ALKBH3: variants seen among roughly 807,000 people sequenced by gnomAD.
ALKBH3 encodes the protein alkB homolog 3, alpha-ketoglutarate dependent dioxygenase.
A neutral mutation model predicts 43.9 loss-of-function variants in ALKBH3; 51 were observed. The observed-to-expected ratio is 1.16, with a 90% CI of 0.93 to 1.47. ALKBH3 has a LOEUF of 1.47. ALKBH3 is among the 40% of genes most tolerant of loss of function. The pLI is 0.00. For missense variants in ALKBH3, 361 were observed against 351.9 expected, an observed-to-expected ratio of 1.03 and a Z score of -0.21; for synonymous variants, 102 against 115.2, an observed-to-expected ratio of 0.89 and a Z score of 0.73.
At chr11:43,909,871 A>T (rs569407569) in intron 8 of ALKBH3, 14 of 152,164 alleles carry the variant, frequency 9.2e-5, no homozygotes, top group Non-Finnish European at 1.5e-4. Context: ...CTGCATCTGA[A>T]GTCTCCCCTT....
In ALKBH3 at chr11:43,919,930, A is replaced by G. The variant is rs1396120106; in HGVS notation, c.781A>G (p.Lys261Glu). ...TQADWQHRVPKEYHSREPRVN... is the reference protein window; with the variant it reads ...TQADWQHRVPEEYHSREPRVN... ...TATTTCCATTTAGCATCGAGTGCCC[A>G]AAGAATACCACTCTAGAGAACCGAG... The change falls in exon 10 of 10, where the codon AAA (lysine) becomes GAA (glutamate). Residue 261 changes from lysine to glutamate, a missense_variant. Coordinates refer to ENST00000302708, the MANE Select transcript of ALKBH3 (RefSeq NM_139178.4). The G allele has an allele frequency of 6.2e-7, 1 of 1,614,126 alleles. No individual in the cohort carries two copies. Among genetic ancestry groups the G allele is most frequent in the Non-Finnish European group, 8.5e-7 (1 of 1,179,940 alleles).
intron 9 of ALKBH3, 49 bp downstream of exon 9, chr11:43,919,185 C>T (rs1452082151): frequency 6.7e-7 from 1 of 1,488,454 alleles, no homozygotes; most frequent in Non-Finnish European, 9.4e-7. Flanking sequence ...GAGGCAGTTT[C>T]CTGACTCTGA....
At chr11:43,910,804 T>C (rs1951932612) in intron 8 of ALKBH3, among the ~76,000 whole-genome samples, 1 of 152,122 alleles carries the variant, frequency 6.6e-6, no homozygotes, top group Non-Finnish European at 1.5e-5. Context: ...TTCACCCTGA[T>C]GTCCTTAATT....
intron 5 of ALKBH3, among the ~76,000 whole-genome samples, chr11:43,887,440 T>C (rs1951753792): frequency 6.6e-6 from 1 of 152,134 alleles, no homozygotes; most frequent in Non-Finnish European, 1.5e-5. Context: ...CCCAAGTAGC[T>C]GGGATTACAG....
intron 8 of ALKBH3, chr11:43,910,309 C>T (rs1202433366): frequency 6.6e-6 from 1 of 152,168 alleles, no homozygotes; most frequent in Non-Finnish European, 1.5e-5. Context: ...TCATTACATT[C>T]TTAGCATTTA....
At chr11:43,903,233 A>G (rs531309686) in intron 8 of ALKBH3, among the ~76,000 whole-genome samples, 39 of 152,324 alleles carry the variant, frequency 2.6e-4, no homozygotes, top group African/African-American at 8.4e-4. Context: ...CAGCCTTCTC[A>G]TATACCAAGG....
chr11:43,917,574 C>A (rs974263816), intron 8 of ALKBH3, among the ~76,000 whole-genome samples: 2 of 152,158 alleles, frequency 1.3e-5, no homozygotes, highest in African/African-American at 4.8e-5. Flanking sequence ...CTTGGACTGT[C>A]TAATCTCATG....
chr11:43,901,266 C>T (rs1201305970), intron 7 of ALKBH3, among the ~76,000 whole-genome samples: 1 of 152,204 alleles, frequency 6.6e-6, no homozygotes, highest in Non-Finnish European at 1.5e-5. Context: ...TTCTGGTCCT[C>T]ATGATATTGC....
chr11:43,890,812 C>T (rs34452363), intron 6 of ALKBH3, among the ~76,000 whole-genome samples: 2 of 151,850 alleles, frequency 1.3e-5, no homozygotes, highest in Non-Finnish European at 2.9e-5. Context: ...TGCAGTGAGC[C>T]GAGATCGCGC....
Position 43,883,182 on chromosome 11 carries a change from T to TC in ALKBH3, c.178dup (p.Gln60ProfsTer6). ...ACAGAGAGTTTGTGTTCAAAGAACC[T>TC]CAGCAGGTAAATTCATGGTTTTTTC... On this transcript the variant is annotated frameshift_variant, in exon 3 of 10. Coordinates refer to ENST00000302708, the MANE Select transcript of ALKBH3 (RefSeq NM_139178.4). LOFTEE classifies it high-confidence loss of function. 6.2e-7 allele frequency: 1 copy of TC among 1,612,622 alleles called. No homozygotes were observed. Among genetic ancestry groups the TC allele is most frequent in the Non-Finnish European group, 8.5e-7 (1 of 1,179,266 alleles).
intron 8 of ALKBH3, among the ~76,000 whole-genome samples, chr11:43,902,320 C>T (rs1951868948): frequency 6.6e-6 from 1 of 152,144 alleles, no homozygotes. Context: ...GGTAGAAAAA[C>T]AGTGACCAAA....
chr11:43,885,300 C>A (rs745942371), intron 4 of ALKBH3, among the ~76,000 whole-genome samples: 1 of 152,062 alleles, frequency 6.6e-6, no homozygotes, highest in Non-Finnish European at 1.5e-5. Flanking sequence ...TTAAAGTGAG[C>A]CATTTCTGAA....
intron 8 of ALKBH3, among the ~76,000 whole-genome samples, chr11:43,917,884 A>G (rs1812113545): frequency 6.6e-6 from 1 of 152,216 alleles, no homozygotes; most frequent in Admixed American, 6.5e-5. Context: ...ACTATGCTTG[A>G]CAAAGTTACT....
intron 8 of ALKBH3, among the ~76,000 whole-genome samples, chr11:43,906,051 A>C (rs770187605): frequency 6.6e-5 from 10 of 152,214 alleles, no homozygotes; most frequent in Non-Finnish European, 1.5e-4. Flanking sequence ...TGTATCCTTC[A>C]TCAGCTGAAT....
intron 7 of ALKBH3, among the ~76,000 whole-genome samples, chr11:43,899,793 C>T (rs1951848019): frequency 7.0e-6 from 1 of 143,230 alleles, no homozygotes; most frequent in Non-Finnish European, 1.5e-5. Flanking sequence ...ATGTTGTGCA[C>T]AAAATCAAAC....
intron 8 of ALKBH3, among the ~76,000 whole-genome samples, chr11:43,904,474 T>G (rs1204833420): frequency 3.3e-5 from 5 of 152,202 alleles, no homozygotes; most frequent in Non-Finnish European, 7.3e-5. Flanking sequence ...GAAATTATAA[T>G]CACACATGAG....
At chr11:43,906,945 C>T (rs1017030073) in intron 8 of ALKBH3, among the ~76,000 whole-genome samples, 4 of 152,112 alleles carry the variant, frequency 2.6e-5, no homozygotes, top group Non-Finnish European at 5.9e-5. Flanking sequence ...ATGAAAGTTG[C>T]TGTAGTAATC....
intron 7 of ALKBH3, 111 bp from the exon 8 acceptor site, chr11:43,901,405 G>T (rs902688286): frequency 1.2e-5 from 14 of 1,196,050 alleles, no homozygotes; most frequent in Non-Finnish European, 1.5e-5. Context: ...CTTATTACAT[G>T]CCCTGGTTAT....
chr11:43,882,965 C>T, intron 2 of ALKBH3, 120 bp from the exon 3 acceptor site: 1 of 865,096 alleles, frequency 1.2e-6, no homozygotes, highest in Admixed American at 2.8e-5. Flanking sequence ...TTGACTTTAC[C>T]AGTTAGTTTC....
Sources: gnomAD v4.1 joint callset for allele counts (sites outside exome capture counted in the v4.1 genomes callset) on GRCh38, gnomAD v4.1.1 for gene constraint, MANE v1.5 for transcripts, NCBI Gene and HGNC (gene_info 2026-07-23, HGNC 2026-07-21) for gene names.